The following SMOC1 variants were observed in gnomAD, a reference collection of about 807,000 sequenced individuals.
The protein encoded by SMOC1 is SPARC related modular calcium binding 1.
A neutral mutation model predicts 56.3 loss-of-function variants in SMOC1; 22 were observed. That is an observed-to-expected ratio of 0.39 (90% CI 0.28 to 0.56). The LOEUF is 0.56. Among genes scored for constraint, SMOC1 ranks in the 20% least tolerant of loss-of-function variants. The pLI is 0.61. For missense variants in SMOC1, 509 were observed against 565.4 expected, an observed-to-expected ratio of 0.90 and a Z score of 1.01; for synonymous variants, 193 against 215.0, an observed-to-expected ratio of 0.90 and a Z score of 0.89.
chr14:69,942,979 C>T (rs552276654), intron 1 of SMOC1, among the ~76,000 whole-genome samples: 1 of 152,302 alleles, frequency 6.6e-6, no homozygotes, highest in East Asian at 1.9e-4. Flanking sequence ...CTCCCCTGGG[C>T]CCTGGCCCAT....
At chr14:70,005,232 T>C (rs2139574874) in intron 7 of SMOC1, among the ~76,000 whole-genome samples, 1 of 152,338 alleles carries the variant, frequency 6.6e-6, no homozygotes, top group South Asian at 2.1e-4. Flanking sequence ...GATAAAAGAC[T>C]AAACTCTGGG....
At chr14:69,924,632 G>A (rs879598604) in intron 1 of SMOC1, among the ~76,000 whole-genome samples, 2 of 151,040 alleles carry the variant, frequency 1.3e-5, no homozygotes, top group African/African-American at 4.9e-5. Context: ...TACAGGGGAG[G>A]TAGAGGAGTT....
chr14:69,893,866 C>T (rs747124572), intron 1 of SMOC1, among the ~76,000 whole-genome samples: 34 of 152,168 alleles, frequency 2.2e-4, no homozygotes, highest in Non-Finnish European at 4.3e-4. Flanking sequence ...GAGTCTGTTA[C>T]GGTGGGCCCT....
intron 3 of SMOC1, among the ~76,000 whole-genome samples, chr14:69,970,248 C>T (rs1883710073): frequency 6.6e-6 from 1 of 152,164 alleles, no homozygotes; most frequent in African/African-American, 2.4e-5. Context: ...AATTACAAGG[C>T]TCAAAGAGAC....
intron 1 of SMOC1, among the ~76,000 whole-genome samples, chr14:69,932,799 G>A (rs968122136): frequency 6.6e-6 from 1 of 152,292 alleles, no homozygotes; most frequent in South Asian, 2.1e-4. Flanking sequence ...GGGGGGTGCA[G>A]AGCAAAGGCA....
chr14:70,023,208 C>G lies in SMOC1; in HGVS notation c.1052C>G (p.Ser351Ter). Residue 351 changes from serine to a stop codon, truncating the protein, a stop_gained, in exon 11 of 12, where the codon TCA becomes TGA. Transcript: ENST00000361956. LOFTEE classifies it high-confidence loss of function. ...GGTGTTTGTCCATGGCCCAGGTTCTCAGAGCCAGACCCCAGCCACACCCTG... is the reference window on the plus strand; with the variant it reads ...GGTGTTTGTCCATGGCCCAGGTTCTGAGAGCCAGACCCCAGCCACACCCTG... ...SAAPTGGGRF[S>*]EPDPSHTLEE... 1 of 1,614,108 alleles carries G rather than the reference C, an allele frequency of 6.2e-7. No homozygotes were observed. The highest frequency in any genetic ancestry group is 8.5e-7 in the Non-Finnish European group (1 of 1,180,012).
intron 10 of SMOC1, 46 bp downstream of exon 10, chr14:70,013,537 C>T (rs1309881862): frequency 1.3e-6 from 2 of 1,556,182 alleles, no homozygotes; most frequent in African/African-American, 1.4e-5. Flanking sequence ...AATGTGGGGC[C>T]CCTGACTTTT....
intron 5 of SMOC1, among the ~76,000 whole-genome samples, chr14:69,986,159 G>A (rs1021887454): frequency 2.6e-5 from 4 of 152,342 alleles, no homozygotes; most frequent in Non-Finnish European, 4.4e-5. Context: ...ATTTCAAAAG[G>A]TTGTATATTG....
intron 3 of SMOC1, among the ~76,000 whole-genome samples, chr14:69,966,347 G>A (rs989270118): frequency 6.6e-6 from 1 of 152,178 alleles, no homozygotes; most frequent in South Asian, 2.1e-4. Flanking sequence ...TGTTCCAAAT[G>A]TCTTTATATG....
intron 1 of SMOC1, among the ~76,000 whole-genome samples, chr14:69,897,071 C>T (rs577748805): frequency 2.6e-5 from 4 of 152,096 alleles, no homozygotes; most frequent in South Asian, 2.1e-4. Flanking sequence ...AGTGACTGTT[C>T]GATATGTTCC....
intron 1 of SMOC1, among the ~76,000 whole-genome samples, chr14:69,933,158 CG>C (rs1885210913): frequency 6.6e-6 from 1 of 152,120 alleles, no homozygotes; most frequent in East Asian, 1.9e-4. Context: ...TACATCTTTA[CG>C]ATATAGTTTT....
At chr14:69,901,960 G>T (rs78504498) in intron 1 of SMOC1, among the ~76,000 whole-genome samples, 9,671 of 152,124 alleles carry the variant, frequency 0.064, 883 homozygotes, top group African/African-American at 0.2. Context: ...CTTTCCTTTG[G>T]GGAACACCGT....
At chr14:69,964,529 C>T (rs950371286) in intron 3 of SMOC1, among the ~76,000 whole-genome samples, 1 of 152,046 alleles carries the variant, frequency 6.6e-6, no homozygotes, top group African/African-American at 2.4e-5. Context: ...AGGTGCCCAC[C>T]ACCACGCCCG....
At chr14:69,904,488 C>T (rs1884354679) in intron 1 of SMOC1, among the ~76,000 whole-genome samples, 1 of 152,234 alleles carries the variant, frequency 6.6e-6, no homozygotes, top group Non-Finnish European at 1.5e-5. Flanking sequence ...TCAACAGATC[C>T]TTCTCTACTG....
chr14:69,927,454 G>T (rs1273592761), intron 1 of SMOC1, among the ~76,000 whole-genome samples: 1 of 152,220 alleles, frequency 6.6e-6, no homozygotes, highest in Non-Finnish European at 1.5e-5. Flanking sequence ...GCCAAGGCGG[G>T]CAGATTGCTT....
At chr14:69,996,899 G>A (rs1350358007) in intron 7 of SMOC1, among the ~76,000 whole-genome samples, 1 of 152,278 alleles carries the variant, frequency 6.6e-6, no homozygotes, top group East Asian at 1.9e-4. Context: ...CTGTAACAGG[G>A]GTTGTCAAAT....
intron 10 of SMOC1, among the ~76,000 whole-genome samples, chr14:70,017,320 G>A (rs996851120): frequency 1.1e-4 from 16 of 152,204 alleles, no homozygotes; most frequent in African/African-American, 3.1e-4. Context: ...ACCCTGGCCA[G>A]TTGTCCCTCT....
At chr14:69,891,596 C>T (rs757976859) in intron 1 of SMOC1, among the ~76,000 whole-genome samples, 1 of 152,110 alleles carries the variant, frequency 6.6e-6, no homozygotes, top group Non-Finnish European at 1.5e-5. Flanking sequence ...TCCCTCCTAC[C>T]CTCCTCAGGG....
At chr14:69,969,449 C>G (rs1883680928) in intron 3 of SMOC1, among the ~76,000 whole-genome samples, 1 of 150,756 alleles carries the variant, frequency 6.6e-6, no homozygotes, top group South Asian at 2.1e-4. Context: ...AGAGCAGGAG[C>G]AGGAGCAGGA....
Sources: gnomAD v4.1 joint callset for allele counts (sites outside exome capture counted in the v4.1 genomes callset) on GRCh38, gnomAD v4.1.1 for gene constraint, MANE v1.5 for transcripts, NCBI Gene and HGNC (gene_info 2026-07-23, HGNC 2026-07-21) for gene names.